JPH1: variants seen among roughly 807,000 people sequenced by gnomAD.
JPH1 encodes the protein junctophilin 1.
In JPH1, 12 loss-of-function variants were observed where a neutral mutation model predicts 53.6. That is an observed-to-expected ratio of 0.22 (90% CI 0.14 to 0.36). JPH1 has a LOEUF of 0.36. Among genes scored for constraint, JPH1 ranks in the 10% least tolerant of loss-of-function variants. The probability of loss-of-function intolerance (pLI) is 1.00; values close to 1 mark genes in which losing one functional copy is unlikely to be tolerated. For missense variants in JPH1, 808 were observed against 905.5 expected (o/e 0.89, Z 1.38); for synonymous variants, 375 against 363.8 (o/e 1.03, Z -0.35).
intron 3 of JPH1, among the ~76,000 whole-genome samples, chr8:74,255,282 C>G (rs1468327280): frequency 1.3e-5 from 2 of 151,984 alleles, no homozygotes; most frequent in Non-Finnish European, 2.9e-5. Context: ...TTGACAAAAA[C>G]AAGAAATGGG....
At chr8:74,243,236 T>C (rs556101417) in intron 4 of JPH1, among the ~76,000 whole-genome samples, 1 of 152,354 alleles carries the variant, frequency 6.6e-6, no homozygotes, top group African/African-American at 2.4e-5. Flanking sequence ...ATTATTATAG[T>C]TGTAATGTCA....
At chr8:74,310,472 G>C (rs1004329647) in intron 2 of JPH1, among the ~76,000 whole-genome samples, 1 of 152,140 alleles carries the variant, frequency 6.6e-6, no homozygotes, top group African/African-American at 2.4e-5. Context: ...TTATGGTCTT[G>C]ACGCTAAGTG....
chr8:74,244,797 A>C lies in JPH1; in HGVS notation c.1637T>G (p.Leu546Arg). 4 of 1,614,174 alleles carry C rather than the reference A, an allele frequency of 2.5e-6. No individual in the cohort carries two copies. Among genetic ancestry groups the C allele is most frequent in the Non-Finnish European group, 3.4e-6 (4 of 1,180,030 alleles). Reference sequence around the variant, plus strand: ...GTAGTAGCCGTGATACTGAGAATGCAGCTCCCCGTTACTGGGGTTGGGGAT... The same window carrying C: ...GTAGTAGCCGTGATACTGAGAATGCCGCTCCCCGTTACTGGGGTTGGGGAT... Reference protein sequence around the residue: ...HHIPNPSNGELHSQYHGYYVK... With the variant: ...HHIPNPSNGERHSQYHGYYVK... Residue 546 changes from leucine to arginine, a missense_variant, in exon 4 of 6, where the codon CTG becomes CGG. Physicochemically the swap from Leu to Arg is moderately radical, Grantham distance 102. Coordinates refer to ENST00000342232, the MANE Select transcript of JPH1 (RefSeq NM_020647.4).
intron 2 of JPH1, among the ~76,000 whole-genome samples, chr8:74,260,300 C>A (rs542956341): frequency 2.0e-4 from 30 of 152,250 alleles, no homozygotes; most frequent in African/African-American, 6.7e-4. Context: ...TCTCATCTTT[C>A]TGGAGGACTA....
At chr8:74,295,268 A>G (rs758906636) in intron 2 of JPH1, among the ~76,000 whole-genome samples, 3 of 152,102 alleles carry the variant, frequency 2.0e-5, no homozygotes, top group African/African-American at 7.2e-5. Context: ...GTATACATTG[A>G]TGATATAGTC....
chr8:74,295,435 A>T (rs1807477203), intron 2 of JPH1, among the ~76,000 whole-genome samples: 1 of 152,144 alleles, frequency 6.6e-6, no homozygotes, highest in African/African-American at 2.4e-5. Context: ...GTCTTTTCAC[A>T]ATACTTGGCA....
chr8:74,300,872 C>T (rs1377246664), intron 2 of JPH1, among the ~76,000 whole-genome samples: 1 of 152,086 alleles, frequency 6.6e-6, no homozygotes. Flanking sequence ...GAAAGAGAGA[C>T]CCAGAAAGAT....
chr8:74,235,739 A>G lies in JPH1; in HGVS notation c.*1312T>C, dbSNP rs1806980422. 2 of 152,664 alleles carry G rather than the reference A, an allele frequency of 1.3e-5. No individual in the cohort carries two copies. The highest frequency in any genetic ancestry group is 1.3e-4 in the Admixed American group (2 of 15,288). 9.5% of individuals were successfully genotyped at this position (152,664 alleles called of 1,614,324 possible). On this transcript the variant is annotated 3_prime_UTR_variant, in exon 6 of 6. Transcript: ENST00000342232. ...AAAATCCAGAAATGTCAGAATGACA[A>G]AAGACTGTAAAAGACACATATTTAA...
chr8:74,260,317 T>C (rs1358806237), intron 2 of JPH1, among the ~76,000 whole-genome samples: 4 of 152,162 alleles, frequency 2.6e-5, no homozygotes, highest in Admixed American at 6.5e-5. Flanking sequence ...ACTAGGGTTA[T>C]GCGGAAAGTG....
At chr8:74,286,307 T>C (rs1807162315) in intron 2 of JPH1, among the ~76,000 whole-genome samples, 1 of 152,076 alleles carries the variant, frequency 6.6e-6, no homozygotes. Context: ...ATAATGATTG[T>C]ACACATTTAT....
chr8:74,299,498 C>T (rs141226019), intron 2 of JPH1, among the ~76,000 whole-genome samples: 2,042 of 152,250 alleles, frequency 0.013, 28 homozygotes, highest in Admixed American at 0.032. Flanking sequence ...AGGCAAATGA[C>T]GAGCTGTAGC....
chr8:74,320,895 G>A lies in JPH1; in HGVS notation c.379+14C>T. 1.3e-6 allele frequency: 2 copies of A among 1,501,810 alleles called. No homozygotes were observed. The highest frequency in any genetic ancestry group is 1.8e-6 in the Non-Finnish European group (2 of 1,125,712). The allele number at this position is 1,501,810 out of a possible 1,614,324, so 93.0% of individuals were successfully genotyped here. On this transcript the variant is annotated intron_variant, in intron 1 of 5. Coordinates refer to ENST00000342232, the MANE Select transcript of JPH1 (RefSeq NM_020647.4). This position sits in a 1 kb window ranked among gnomAD's most constrained non-coding sequence, Gnocchi z 4.4. ...AGCTCGCGGAGCAGCCGAGCCGCCC[G>A]TTACGCCGCTCACCTCCGTCCCCGT...
chr8:74,264,435 C>G (rs893776517), intron 2 of JPH1, among the ~76,000 whole-genome samples: 5 of 152,152 alleles, frequency 3.3e-5, no homozygotes, highest in Non-Finnish European at 7.4e-5. Context: ...GAGTTCCTGT[C>G]TTCCTTTTCT....
chr8:74,292,829 C>G (rs142291693), intron 2 of JPH1, among the ~76,000 whole-genome samples: 1 of 152,290 alleles, frequency 6.6e-6, no homozygotes, highest in East Asian at 1.9e-4. Flanking sequence ...GAAATCCAAT[C>G]AAGTCCTGTT....
At chr8:74,266,870 G>A (rs1806548160) in intron 2 of JPH1, among the ~76,000 whole-genome samples, 2 of 152,186 alleles carry the variant, frequency 1.3e-5, no homozygotes, top group South Asian at 4.1e-4. Context: ...CAGCTGTAAT[G>A]TATAGCAATA....
chr8:74,273,945 T>C (rs945643250), intron 2 of JPH1, among the ~76,000 whole-genome samples: 1 of 152,122 alleles, frequency 6.6e-6, no homozygotes, highest in Non-Finnish European at 1.5e-5. Context: ...ATTTTTCCCG[T>C]CCCTTAGCCA....
At chr8:74,293,135 A>G (rs1481753378) in intron 2 of JPH1, among the ~76,000 whole-genome samples, 3 of 152,326 alleles carry the variant, frequency 2.0e-5, no homozygotes, top group African/African-American at 7.2e-5. Context: ...GAACCTGTAC[A>G]GCTATCTTTC....
chr8:74,302,739 C>T (rs1344114565), intron 2 of JPH1, among the ~76,000 whole-genome samples: 1 of 152,172 alleles, frequency 6.6e-6, no homozygotes, highest in Admixed American at 6.5e-5. Flanking sequence ...TCCCTCCAAC[C>T]TGCAGCCTCA....
At chr8:74,268,309 A>G (rs1586746828) in intron 2 of JPH1, among the ~76,000 whole-genome samples, 1 of 152,260 alleles carries the variant, frequency 6.6e-6, no homozygotes, top group South Asian at 2.1e-4. Context: ...GCACATAAGA[A>G]TCTATATGAT....
Sources: gnomAD v4.1 joint callset for allele counts (sites outside exome capture counted in the v4.1 genomes callset) on GRCh38, gnomAD v4.1.1 for gene constraint, Gnocchi (gnomAD v3.1) non-coding constraint, MANE v1.5 for transcripts, NCBI Gene and HGNC (gene_info 2026-07-23, HGNC 2026-07-21) for gene names.